GPC3: variants seen among roughly 807,000 people sequenced by gnomAD.
GPC3 encodes the protein glypican-3.
A neutral mutation model predicts 34.4 loss-of-function variants in GPC3; 3 were observed. The ratio of observed to expected loss-of-function variants is 0.09; its 90% CI spans 0.04 to 0.23. GPC3 has a LOEUF of 0.23. Among genes scored for constraint, GPC3 ranks in the 10% least tolerant of loss-of-function variants. The pLI, the probability that GPC3 is intolerant of heterozygous loss-of-function variation, is 1.00. For missense variants in GPC3, 351 were observed against 445.6 expected, an observed-to-expected ratio of 0.79 and a Z score of 1.91; for synonymous variants, 177 against 174.0, an observed-to-expected ratio of 1.02 and a Z score of -0.13.
chrX:133,813,060 G>A (rs981067006), intron 2 of GPC3, among the ~76,000 whole-genome samples: 4 of 112,939 alleles, frequency 3.5e-5, no homozygotes, highest in Non-Finnish European at 5.6e-5. Context: ...CTCTTTCTGA[G>A]AATTCACTTG....
At chrX:133,603,140 A>G (rs745970944) in intron 6 of GPC3, among the ~76,000 whole-genome samples, 10 of 108,421 alleles carry the variant, frequency 9.2e-5, no homozygotes, top group Non-Finnish European at 1.9e-4. Context: ...AAAAAGGCAA[A>G]AGTTAAAAAA....
At chrX:133,846,252 T>A in intron 2 of GPC3, among the ~76,000 whole-genome samples, 1 of 111,639 alleles carries the variant, frequency 9.0e-6, no homozygotes. Context: ...ATTAATGAGG[T>A]TCAACTTCTT....
At chrX:133,814,530 G>A (rs897968002) in intron 2 of GPC3, among the ~76,000 whole-genome samples, 2 of 110,276 alleles carry the variant, frequency 1.8e-5, no homozygotes, top group Non-Finnish European at 3.8e-5. Context: ...GTGTTGGAAG[G>A]GACTTAGAGA....
chrX:133,779,802 C>T (rs1440115111), intron 2 of GPC3, among the ~76,000 whole-genome samples: 1 of 110,750 alleles, frequency 9.0e-6, no homozygotes, highest in Non-Finnish European at 1.9e-5. Context: ...TTTTTCTCCC[C>T]TCTCCTACCA....
intron 6 of GPC3, among the ~76,000 whole-genome samples, chrX:133,655,506 C>CCACA (rs763587305): frequency 3.1e-4 from 29 of 94,723 alleles, no homozygotes; most frequent in East Asian, 6.3e-4. Context: ...ACACACACAC[C>CCACA]CACACACACA....
At chrX:133,795,847 G>C (rs1425490679) in intron 2 of GPC3, among the ~76,000 whole-genome samples, 1 of 110,094 alleles carries the variant, frequency 9.1e-6, no homozygotes, top group African/African-American at 3.3e-5. Context: ...AGTCTTCATG[G>C]GCAGTGACTA....
At chrX:133,837,633 A>C (rs779950332) in intron 2 of GPC3, among the ~76,000 whole-genome samples, 1 of 111,686 alleles carries the variant, frequency 9.0e-6, no homozygotes, top group Non-Finnish European at 1.9e-5. Context: ...CTAACCCAAC[A>C]TGTCTTCAAA....
In GPC3 at chrX:133,769,065, A is replaced by T. The variant is rs150485835; in HGVS notation, c.338-14889T>A. 5.8e-4 allele frequency among the ~76,000 whole-genome samples: 65 copies of T among 112,748 alleles called. No individual in the cohort carries two copies. The East Asian group carries it at 0.017, about 30-fold the overall frequency. ...TATTACTCAGCCTTTTAAAAGAAGAACATCCTGCTGATTGCAAAAACATGG... is the reference window on the plus strand; with the variant it reads ...TATTACTCAGCCTTTTAAAAGAAGATCATCCTGCTGATTGCAAAAACATGG... On this transcript the variant is annotated intron_variant, in intron 2 of 7. Transcript: ENST00000370818.
intron 3 of GPC3, among the ~76,000 whole-genome samples, chrX:133,723,967 T>A (rs1334931879): frequency 1.8e-5 from 2 of 112,458 alleles, no homozygotes; most frequent in Non-Finnish European, 3.8e-5. Context: ...CCAGACTACT[T>A]TCGTGAAATA....
chrX:133,621,927 C>A (rs771313913), intron 6 of GPC3, among the ~76,000 whole-genome samples: 1 of 112,038 alleles, frequency 8.9e-6, no homozygotes, highest in East Asian at 2.8e-4. Flanking sequence ...ACACCACGTA[C>A]GGCCAGGTGC....
intron 1 of GPC3, among the ~76,000 whole-genome samples, chrX:133,953,583 T>C (rs1212029404): frequency 8.9e-6 from 1 of 112,144 alleles, no homozygotes; most frequent in African/African-American, 3.2e-5. Context: ...CTGATTATAA[T>C]GTATGAATGA....
intron 2 of GPC3, among the ~76,000 whole-genome samples, chrX:133,796,292 T>C (rs7876063): frequency 0.091 from 10,120 of 111,580 alleles, 1,129 homozygotes; most frequent in African/African-American, 0.31. Flanking sequence ...TTCTGTATGC[T>C]GAAGTATAAG....
intron 2 of GPC3, among the ~76,000 whole-genome samples, chrX:133,779,282 G>A (rs2072020451): frequency 8.9e-6 from 1 of 112,465 alleles, no homozygotes; most frequent in South Asian, 3.7e-4. Flanking sequence ...CTTTAACAAG[G>A]TATTTATATG....
intron 2 of GPC3, among the ~76,000 whole-genome samples, chrX:133,933,512 T>C (rs2076307645): frequency 9.0e-6 from 1 of 111,133 alleles, no homozygotes; most frequent in South Asian, 3.9e-4. Flanking sequence ...AGGCCTTTGC[T>C]ATAGTTTGGA....
chrX:133,663,478 C>T (rs1484755137), intron 5 of GPC3, among the ~76,000 whole-genome samples: 1 of 110,633 alleles, frequency 9.0e-6, no homozygotes, highest in East Asian at 2.9e-4. Flanking sequence ...TCTCAAACAC[C>T]TGGGCTCAAG....
intron 6 of GPC3, among the ~76,000 whole-genome samples, chrX:133,634,438 A>AAC (rs1487249519): frequency 1.8e-5 from 2 of 112,275 alleles, no homozygotes; most frequent in Non-Finnish European, 3.8e-5. Flanking sequence ...AATGTCCATC[A>AAC]ACTGGTGAAT....
intron 7 of GPC3, among the ~76,000 whole-genome samples, chrX:133,569,974 C>T (rs1332884480): frequency 9.1e-6 from 1 of 109,557 alleles, no homozygotes; most frequent in Non-Finnish European, 1.9e-5. Flanking sequence ...TCACTGCAAC[C>T]TCCACCTCCT....
At chrX:133,718,897 G>T (rs965637710) in intron 3 of GPC3, among the ~76,000 whole-genome samples, 6 of 111,760 alleles carry the variant, frequency 5.4e-5, no homozygotes. Flanking sequence ...CTATCAGGAA[G>T]ATAGAATAAT....
intron 2 of GPC3, among the ~76,000 whole-genome samples, chrX:133,794,486 T>G (rs2075566776): frequency 8.9e-6 from 1 of 111,958 alleles, no homozygotes; most frequent in African/African-American, 3.2e-5. Context: ...GTCAGTCACC[T>G]TTTTAGCCTC....
Sources: allele counts gnomAD v4.1 joint callset (sites outside exome capture counted in the v4.1 genomes callset), GRCh38; gene constraint gnomAD v4.1.1; transcripts MANE v1.5; gene names NCBI Gene and HGNC (gene_info 2026-07-23, HGNC 2026-07-21).